Variants in RPTOR observed in about 807,000 individuals in gnomAD.
RPTOR encodes regulatory associated protein of MTOR complex 1, also known as regulatory-associated protein of mTOR.
Under a neutral mutation model 169.9 loss-of-function variants are expected in RPTOR, and 21 were observed. That is an observed-to-expected ratio of 0.12 (90% confidence interval 0.09 to 0.18). The LOEUF is 0.18. RPTOR is among the 10% of genes least tolerant of loss of function. The pLI is 1.00. For missense variants in RPTOR, 1,133 were observed against 1,855.9 expected (o/e 0.61, Z 7.16); for synonymous variants, 732 against 753.2 (o/e 0.97, Z 0.46).
chr17:80,715,793 C>T (rs2066234993), intron 4 of RPTOR, among the ~76,000 whole-genome samples: 1 of 152,050 alleles, frequency 6.6e-6, no homozygotes, highest in African/African-American at 2.4e-5. Flanking sequence ...GCTCAGCTCC[C>T]ACGTAACAGT....
At chr17:80,933,723 A>G (rs151288192) in intron 24 of RPTOR, among the ~76,000 whole-genome samples, 1 of 152,366 alleles carries the variant, frequency 6.6e-6, no homozygotes, top group East Asian at 1.9e-4. Context: ...ACATAGCTGC[A>G]CTAATTAAGA....
intron 16 of RPTOR, among the ~76,000 whole-genome samples, chr17:80,884,506 C>A (rs1382507621): frequency 6.6e-6 from 1 of 152,232 alleles, no homozygotes; most frequent in Non-Finnish European, 1.5e-5. Context: ...ACAGTGACTT[C>A]TCCCCAGGAC....
rs926323711 is a variant in RPTOR at position 80,695,853 on chromosome 17, C to T, written c.349-11988C>T. Among the ~76,000 whole-genome samples, 3 of 152,218 alleles carry T rather than the reference C, an allele frequency of 2.0e-5. No homozygotes were observed. The highest frequency in any genetic ancestry group is 4.8e-5 in the African/African-American group (2 of 41,440). On this transcript the variant is annotated intron_variant, in intron 3 of 33. Transcript: ENST00000306801. This position sits in a 1 kb window ranked among gnomAD's most constrained non-coding sequence, Gnocchi z 4.9. ...TGGCTGGAGCTGGTGGGCCAAGGGCCGCAGACCACTTTTGCCCTGCATGGC... is the reference window on the plus strand; with the variant it reads ...TGGCTGGAGCTGGTGGGCCAAGGGCTGCAGACCACTTTTGCCCTGCATGGC...
At chr17:80,863,217 G>A (rs1252597524) in intron 13 of RPTOR, among the ~76,000 whole-genome samples, 1 of 152,144 alleles carries the variant, frequency 6.6e-6, no homozygotes, top group Non-Finnish European at 1.5e-5. Context: ...TACCGCACAG[G>A]ACAAGGAGCA....
At chr17:80,605,635 G>A (rs943179479) in intron 1 of RPTOR, among the ~76,000 whole-genome samples, 1 of 152,138 alleles carries the variant, frequency 6.6e-6, no homozygotes, top group African/African-American at 2.4e-5. Flanking sequence ...CCACCTGGGC[G>A]TTTCTCTTCC....
intron 1 of RPTOR, among the ~76,000 whole-genome samples, chr17:80,565,245 G>T (rs2084565882): frequency 6.6e-6 from 1 of 152,232 alleles, no homozygotes; most frequent in South Asian, 2.1e-4. Flanking sequence ...ATACTAGGAA[G>T]TGTCTCTTAC....
At chr17:80,952,486 C>T (rs2144075161) in intron 28 of RPTOR, among the ~76,000 whole-genome samples, 1 of 152,328 alleles carries the variant, frequency 6.6e-6, no homozygotes, top group African/African-American at 2.4e-5. Context: ...GGCGTGACCT[C>T]CGCTTGCCCC....
intron 21 of RPTOR, among the ~76,000 whole-genome samples, chr17:80,916,565 T>C (rs1450412955): frequency 6.6e-6 from 1 of 152,198 alleles, no homozygotes; most frequent in Non-Finnish European, 1.5e-5. Context: ...TGAATGGGCA[T>C]AACAAGCCCA....
intron 3 of RPTOR, among the ~76,000 whole-genome samples, chr17:80,705,299 G>C (rs1406093148): frequency 6.6e-6 from 1 of 152,270 alleles, no homozygotes; most frequent in East Asian, 1.9e-4. Context: ...GAGACACTGA[G>C]AGGGGAGACC....
intron 7 of RPTOR, among the ~76,000 whole-genome samples, chr17:80,798,926 C>T (rs2067128285): frequency 6.6e-6 from 1 of 152,174 alleles, no homozygotes; most frequent in Non-Finnish European, 1.5e-5. Flanking sequence ...GTCCTCCTGT[C>T]CACCTGAGAT....
chr17:80,884,637 G>A (rs899764780), intron 16 of RPTOR, among the ~76,000 whole-genome samples: 27 of 152,166 alleles, frequency 1.8e-4, no homozygotes, highest in Middle Eastern at 3.2e-3. Flanking sequence ...GCCCCTCTGC[G>A]TCCAGGAGTG....
intron 5 of RPTOR, among the ~76,000 whole-genome samples, chr17:80,744,475 TTACTAGCACAGCCCTGGC>T (rs1742094677): frequency 1.0e-4 from 2 of 19,068 alleles, no homozygotes; most frequent in East Asian, 2.7e-3. Flanking sequence ...ACAGCCCTGG[TTACTAGCACAGCCCTGGC>T]TACTAGCACT....
At chr17:80,582,436 C>T (rs1356344027) in intron 1 of RPTOR, among the ~76,000 whole-genome samples, 1 of 152,202 alleles carries the variant, frequency 6.6e-6, no homozygotes, top group East Asian at 1.9e-4. Context: ...TGTGTGGACG[C>T]AGATCCTGCT....
chr17:80,711,822 C>T (rs989780107), intron 4 of RPTOR, among the ~76,000 whole-genome samples: 7 of 135,486 alleles, frequency 5.2e-5, no homozygotes, highest in Admixed American at 3.9e-4. Flanking sequence ...TGGCTCACTG[C>T]AGCGTCCGCC....
intron 13 of RPTOR, among the ~76,000 whole-genome samples, chr17:80,868,547 C>T (rs905296502): frequency 6.6e-6 from 1 of 152,214 alleles, no homozygotes; most frequent in African/African-American, 2.4e-5. Flanking sequence ...GTGTGCACTA[C>T]CACTTTGCAA....
intron 3 of RPTOR, among the ~76,000 whole-genome samples, chr17:80,673,626 C>T (rs1341892665): frequency 6.6e-6 from 1 of 152,236 alleles, no homozygotes; most frequent in Non-Finnish European, 1.5e-5. Flanking sequence ...GGAGCCACTT[C>T]TTGGTAGCCG....
intron 3 of RPTOR, among the ~76,000 whole-genome samples, chr17:80,647,089 T>G (rs2065601843): frequency 6.6e-6 from 1 of 152,198 alleles, no homozygotes; most frequent in Non-Finnish European, 1.5e-5. Flanking sequence ...CCATGGTGAT[T>G]ATATTTTTTT....
At chr17:80,711,324 T>C (rs970413830) in intron 4 of RPTOR, among the ~76,000 whole-genome samples, 3 of 152,186 alleles carry the variant, frequency 2.0e-5, no homozygotes, top group Non-Finnish European at 4.4e-5. Flanking sequence ...GAAGGAACAG[T>C]AGGATGAATA....
At chr17:80,840,362 T>C (rs2067616154) in intron 10 of RPTOR, among the ~76,000 whole-genome samples, 1 of 144,848 alleles carries the variant, frequency 6.9e-6, no homozygotes, top group African/African-American at 2.6e-5. Context: ...ACACGGCAGC[T>C]CACTCTCACC....
Sources: gnomAD v4.1 joint callset for allele counts (sites outside exome capture counted in the v4.1 genomes callset) on GRCh38, gnomAD v4.1.1 for gene constraint, Gnocchi (gnomAD v3.1) non-coding constraint, MANE v1.5 for transcripts, NCBI Gene and HGNC (gene_info 2026-07-23, HGNC 2026-07-21) for gene names.